Variants in COL12A1 observed in about 807,000 individuals in gnomAD.
The protein encoded by COL12A1 is collagen type XII alpha 1 chain.
In COL12A1, 114 loss-of-function variants were observed where a neutral mutation model predicts 349.7. The ratio of observed to expected loss-of-function variants is 0.33; its 90% confidence interval spans 0.28 to 0.38. The LOEUF (loss-of-function observed/expected upper bound fraction) is 0.38, where lower values mean the gene tolerates loss of function less well. Among genes scored for constraint, COL12A1 ranks in the 10% least tolerant of loss-of-function variants. The pLI, the probability that COL12A1 is intolerant of heterozygous loss-of-function variation, is 1.00. For synonymous variants in COL12A1, 1,369 were observed against 1,329.0 expected, an observed-to-expected ratio of 1.03 and a Z score of -0.66; for missense variants, 3,284 against 3,756.9, an observed-to-expected ratio of 0.87 and a Z score of 3.29.
In COL12A1 at chr6:75,143,075, C is replaced by T. The variant is rs1366604217; in HGVS notation, c.4827+177G>A. The T allele has an allele frequency of 1.1e-5, 7 of 634,136 alleles. No homozygotes were observed. In the African/African-American group the frequency reaches 1.3e-4, roughly 12 times the overall value. 39.3% of individuals were successfully genotyped at this position (634,136 alleles called of 1,614,324 possible). Reference sequence around the variant, plus strand: ...GCAAAACATTTCTGTTTTGACAAGACAGTCCAATATATCATTGATTTTCAA... The same window carrying T: ...GCAAAACATTTCTGTTTTGACAAGATAGTCCAATATATCATTGATTTTCAA... On this transcript the variant is annotated intron_variant, in intron 26 of 65. Transcript: ENST00000322507.
intron 65 of COL12A1, 110 bp downstream of exon 65, chr6:75,087,467 T>A: frequency 9.7e-7 from 1 of 1,033,962 alleles, no homozygotes. Flanking sequence ...GAAAGAGTTG[T>A]TATCTTCAAG....
intron 42 of COL12A1, 134 bp downstream of exon 42, chr6:75,123,814 G>T: frequency 1.0e-6 from 1 of 958,836 alleles, no homozygotes; most frequent in Non-Finnish European, 1.5e-6. Flanking sequence ...CCACATTCAG[G>T]AATCTGCCAT....
At chr6:75,159,304 C>T (rs1309770551) in intron 14 of COL12A1, among the ~76,000 whole-genome samples, 1 of 150,320 alleles carries the variant, frequency 6.7e-6, no homozygotes, top group Non-Finnish European at 1.5e-5. Flanking sequence ...TAAGAGAACT[C>T]TCAGTGAAGT....
chr6:75,114,031 T>C (rs1199262612), intron 49 of COL12A1, among the ~76,000 whole-genome samples: 2 of 151,892 alleles, frequency 1.3e-5, no homozygotes, highest in Non-Finnish European at 1.5e-5. Flanking sequence ...TCTGGGAAAT[T>C]ACAAAATAGT....
In COL12A1 at chr6:75,183,168, A is replaced by C. The variant is rs767452275; in HGVS notation, c.1773T>G (p.Pro591=). ...RSELEAIASP[P]AETHVFTVED... ...CCACTGTGAACACATGGGTCTCTGC[A>C]GGAGGAGAGGCAATAGCTTCCAATT... Residue 591 remains proline (P), a synonymous_variant, in exon 10 of 66, where the codon CCT becomes CCG. Coordinates refer to ENST00000322507, the MANE Select transcript of COL12A1 (RefSeq NM_004370.6). The C allele has an allele frequency of 6.2e-7, 1 of 1,614,170 alleles. No homozygotes were observed. Among genetic ancestry groups the C allele is most frequent in the Non-Finnish European group, 8.5e-7 (1 of 1,180,024 alleles).
intron 4 of COL12A1, among the ~76,000 whole-genome samples, 182 bp from the exon 5 acceptor site, chr6:75,191,942 T>C (rs1406223373): frequency 6.6e-6 from 1 of 152,024 alleles, no homozygotes; most frequent in Non-Finnish European, 1.5e-5. Flanking sequence ...AGTGATATTT[T>C]TGAGATATTT....
chr6:75,130,369 T>C (rs1002946015), intron 36 of COL12A1, 136 bp from the exon 37 acceptor site: 27 of 902,566 alleles, frequency 3.0e-5, no homozygotes, highest in Admixed American at 5.8e-5. Flanking sequence ...TATACATTTA[T>C]GGTTTTAATG....
At chr6:75,099,752 C>G (rs917501160) in intron 58 of COL12A1, among the ~76,000 whole-genome samples, 1 of 152,130 alleles carries the variant, frequency 6.6e-6, no homozygotes, top group African/African-American at 2.4e-5. Flanking sequence ...ATATGTGGTT[C>G]TTTTTTTACT....
intron 31 of COL12A1, among the ~76,000 whole-genome samples, chr6:75,136,488 G>A (rs929494238): frequency 6.6e-6 from 1 of 152,076 alleles, no homozygotes; most frequent in Non-Finnish European, 1.5e-5. Flanking sequence ...ACACACCTTA[G>A]ATTAATGCCA....
intron 8 of COL12A1, 79 bp downstream of exon 8, chr6:75,188,283 T>C (rs574852304): frequency 1.3e-5 from 18 of 1,393,448 alleles, no homozygotes; most frequent in Non-Finnish European, 1.8e-5. Flanking sequence ...TAAATAAATA[T>C]GTCTACTTCT....
chr6:75,119,199 G>A lies in COL12A1; in HGVS notation c.7211-13C>T. On this transcript the variant is annotated splice_polypyrimidine_tract_variant and intron_variant, in intron 45 of 65. Coordinates refer to ENST00000322507, the MANE Select transcript of COL12A1 (RefSeq NM_004370.6). Reference sequence around the variant, plus strand: ...GTGAGGGCCTTGCCTACAGAATGTGGCATGGAAAATTTTAGTGTCACTTCA... The same window carrying A: ...GTGAGGGCCTTGCCTACAGAATGTGACATGGAAAATTTTAGTGTCACTTCA... The A allele has an allele frequency of 6.2e-7, 1 of 1,613,782 alleles. No individual in the cohort carries two copies. Among genetic ancestry groups the A allele is most frequent in the Non-Finnish European group, 8.5e-7 (1 of 1,179,844 alleles).
chr6:75,154,278 G>T, intron 17 of COL12A1, 138 bp downstream of exon 17: 1 of 981,620 alleles, frequency 1.0e-6, no homozygotes, highest in Non-Finnish European at 1.4e-6. Context: ...GAATTTTTTT[G>T]CTAAGTATGT....
chr6:75,184,329 C>G (rs931681186), intron 8 of COL12A1, among the ~76,000 whole-genome samples, 185 bp from the exon 9 acceptor site: 9 of 152,208 alleles, frequency 5.9e-5, no homozygotes, highest in African/African-American at 2.2e-4. Flanking sequence ...TGGTTCAACA[C>G]TTGGCTTTTA....
intron 60 of COL12A1, among the ~76,000 whole-genome samples, chr6:75,093,458 T>G (rs1279642747): frequency 6.6e-6 from 1 of 152,178 alleles, no homozygotes; most frequent in Non-Finnish European, 1.5e-5. Flanking sequence ...CTATATGCTA[T>G]GTTTGGTTTC....
intron 12 of COL12A1, 59 bp from the exon 13 acceptor site, chr6:75,175,369 A>T: frequency 6.4e-7 from 1 of 1,558,226 alleles, no homozygotes. Context: ...GACTTGAAAA[A>T]CACTTTGTTA....
intron 31 of COL12A1, among the ~76,000 whole-genome samples, chr6:75,135,538 A>C (rs1766564384): frequency 6.6e-6 from 1 of 152,238 alleles, no homozygotes; most frequent in Non-Finnish European, 1.5e-5. Flanking sequence ...TGTTGAAAGA[A>C]AATTTGTACA....
At position 75,125,250 on chromosome 6, in the gene COL12A1, A is replaced by G; in HGVS notation, c.6484T>C (p.Phe2162Leu). ...GTATATGATGTCATTTCTCCAACAAAGGCTTCCATGGGCTCATTGGAACCT... is the reference window on the plus strand; with the variant it reads ...GTATATGATGTCATTTCTCCAACAAGGGCTTCCATGGGCTCATTGGAACCT... ...PVGSNEPMEA[F>L]VGEMTSYTLH... is the part of the protein sequence containing the mutation. The change falls in exon 40 of 66, where the codon TTT becomes CTT. Residue 2162 changes from phenylalanine to leucine, a missense_variant. Physicochemically the swap from Phe to Leu is conservative, Grantham distance 22. This residue lies in a region of COL12A1 where 2,601 missense variants were observed against 2,824.8 expected (regional missense o/e 0.92). Transcript: ENST00000322507. The G allele has an allele frequency of 2.5e-6, 4 of 1,609,934 alleles. No individual in the cohort carries two copies. Among genetic ancestry groups the G allele is most frequent in the Non-Finnish European group, 3.4e-6 (4 of 1,177,804 alleles).
intron 26 of COL12A1, 32 bp from the exon 27 acceptor site, chr6:75,142,193 T>C: frequency 6.2e-7 from 1 of 1,613,180 alleles, no homozygotes; most frequent in Non-Finnish European, 8.5e-7. Flanking sequence ...GGAACTACTT[T>C]TACAAAGGGT....
At chr6:75,108,575 G>C (rs568250898) in intron 52 of COL12A1, among the ~76,000 whole-genome samples, 4 of 152,180 alleles carry the variant, frequency 2.6e-5, no homozygotes. Flanking sequence ...ACAGGCAGCC[G>C]AATGGCTCCT....
Sources: allele counts gnomAD v4.1 joint callset (sites outside exome capture counted in the v4.1 genomes callset), GRCh38; gene constraint gnomAD v4.1.1; regional missense constraint gnomAD v4.1.1; transcripts MANE v1.5; gene names NCBI Gene and HGNC (gene_info 2026-07-23, HGNC 2026-07-21).